The following SORCS1 variants were observed in gnomAD, a reference collection of about 807,000 sequenced individuals.
SORCS1 encodes VPS10 domain-containing receptor SorCS1.
A neutral mutation model predicts 146.1 loss-of-function variants in SORCS1; 60 were observed. That is an observed-to-expected ratio of 0.41 (90% confidence interval 0.33 to 0.51). SORCS1 has a LOEUF of 0.51. Ranked by LOEUF, SORCS1 falls within the 20% of genes least tolerant of loss-of-function variation. The pLI is 0.21. For missense variants in SORCS1, 1,352 were observed against 1,487.6 expected, an observed-to-expected ratio of 0.91 and a Z score of 1.50; for synonymous variants, 637 against 584.0, an observed-to-expected ratio of 1.09 and a Z score of -1.31.
At chr10:107,005,055 G>A (rs1163174811) in intron 1 of SORCS1, among the ~76,000 whole-genome samples, 2 of 152,270 alleles carry the variant, frequency 1.3e-5, no homozygotes, top group African/African-American at 2.4e-5. Context: ...CCCCGGGGTG[G>A]TCACAGCTAA....
intron 14 of SORCS1, among the ~76,000 whole-genome samples, chr10:106,674,758 T>C (rs1851900508): frequency 1.3e-5 from 2 of 152,218 alleles, no homozygotes; most frequent in African/African-American, 4.8e-5. Context: ...CCTGAGATTT[T>C]CTACATATCC....
chr10:107,148,666 A>C (rs957011989), intron 1 of SORCS1, among the ~76,000 whole-genome samples: 3 of 152,232 alleles, frequency 2.0e-5, no homozygotes, highest in African/African-American at 7.2e-5. Flanking sequence ...ACCTGGATTT[A>C]AGTTGAGTAA....
intron 6 of SORCS1, among the ~76,000 whole-genome samples, chr10:106,716,825 T>A (rs943751082): frequency 3.9e-5 from 6 of 152,174 alleles, no homozygotes; most frequent in African/African-American, 1.4e-4. Flanking sequence ...CACATGTTTT[T>A]TTCTCTCTTA....
chr10:106,920,683 T>C (rs1360285697), intron 2 of SORCS1, among the ~76,000 whole-genome samples: 1 of 152,152 alleles, frequency 6.6e-6, no homozygotes, highest in Non-Finnish European at 1.5e-5. Flanking sequence ...GTGTAGGAAG[T>C]GAGGGCTGTT....
At chr10:106,939,683 G>T (rs1279668406) in intron 2 of SORCS1, among the ~76,000 whole-genome samples, 1 of 152,184 alleles carries the variant, frequency 6.6e-6, no homozygotes, top group East Asian at 1.9e-4. Flanking sequence ...ATAAAGCTGT[G>T]CTGAGGAATA....
chr10:107,024,666 C>T (rs1001102782), intron 1 of SORCS1, among the ~76,000 whole-genome samples: 2 of 152,110 alleles, frequency 1.3e-5, no homozygotes, highest in African/African-American at 4.8e-5. Flanking sequence ...GTACCTATCA[C>T]CCAGTTTCAA....
intron 1 of SORCS1, among the ~76,000 whole-genome samples, chr10:107,088,139 C>T (rs1290692671): frequency 1.3e-5 from 2 of 151,658 alleles, no homozygotes; most frequent in African/African-American, 2.4e-5. Flanking sequence ...AGGATGGTCT[C>T]GGCCTCCCAA....
intron 1 of SORCS1, among the ~76,000 whole-genome samples, chr10:107,137,444 C>T (rs1180633734): frequency 6.6e-6 from 1 of 152,186 alleles, no homozygotes; most frequent in Non-Finnish European, 1.5e-5. Context: ...ACTGCCCTGC[C>T]AGACTAGCCT....
intron 6 of SORCS1, among the ~76,000 whole-genome samples, chr10:106,723,119 A>C (rs2135953061): frequency 6.6e-6 from 1 of 152,316 alleles, no homozygotes; most frequent in African/African-American, 2.4e-5. Flanking sequence ...CCAGGAGTTT[A>C]AGACCAGCCT....
At chr10:106,727,305 G>A (rs1397147951) in intron 6 of SORCS1, among the ~76,000 whole-genome samples, 1 of 152,134 alleles carries the variant, frequency 6.6e-6, no homozygotes, top group Admixed American at 6.5e-5. Context: ...TGCTTAGTGA[G>A]ATCTCTCTAC....
chr10:106,781,723 T>G (rs1860908100), intron 3 of SORCS1, among the ~76,000 whole-genome samples: 1 of 152,170 alleles, frequency 6.6e-6, no homozygotes. Context: ...CTATTCTCAA[T>G]GAGGGCTGAG....
chr10:106,922,141 G>A (rs1238919761), intron 2 of SORCS1, among the ~76,000 whole-genome samples: 1 of 152,206 alleles, frequency 6.6e-6, no homozygotes, highest in African/African-American at 2.4e-5. Flanking sequence ...TAGAGCTTAG[G>A]AAAGAATGAA....
At chr10:106,914,922 T>C (rs1474734141) in intron 2 of SORCS1, among the ~76,000 whole-genome samples, 1 of 152,162 alleles carries the variant, frequency 6.6e-6, no homozygotes, top group Non-Finnish European at 1.5e-5. Context: ...CCTTGCTCAG[T>C]TTCCAATCAG....
At chr10:106,830,869 C>T (rs1948514413) in intron 2 of SORCS1, among the ~76,000 whole-genome samples, 1 of 151,910 alleles carries the variant, frequency 6.6e-6, no homozygotes, top group South Asian at 2.1e-4. Context: ...GCACTCCAGC[C>T]TGGACCACAG....
chr10:106,872,098 A>G (rs1178124035), intron 2 of SORCS1, among the ~76,000 whole-genome samples: 1 of 152,274 alleles, frequency 6.6e-6, no homozygotes, highest in Non-Finnish European at 1.5e-5. Flanking sequence ...AAACAAACAT[A>G]TAAGTAATTT....
intron 2 of SORCS1, among the ~76,000 whole-genome samples, chr10:106,838,001 G>GA (rs1285278816): frequency 6.6e-6 from 1 of 152,124 alleles, no homozygotes; most frequent in African/African-American, 2.4e-5. Flanking sequence ...GCTGATGTCT[G>GA]TTTTGTTCAC....
intron 1 of SORCS1, among the ~76,000 whole-genome samples, chr10:107,065,505 CTCCTCTCTTTCTT>C: frequency 1.2e-5 from 1 of 80,602 alleles, no homozygotes; most frequent in Non-Finnish European, 2.4e-5. Flanking sequence ...CTCCTCTCCT[CTCCTCTCTTTCTT>C]TCTTTCTTTC....
chr10:107,069,696 G>C (rs1962254016), intron 1 of SORCS1, among the ~76,000 whole-genome samples: 1 of 152,096 alleles, frequency 6.6e-6, no homozygotes. Context: ...TTTTTAAAAA[G>C]CACCTTTGAA....
chr10:107,083,573 G>A (rs914912064), intron 1 of SORCS1, among the ~76,000 whole-genome samples: 1 of 152,104 alleles, frequency 6.6e-6, no homozygotes, highest in Non-Finnish European at 1.5e-5. Flanking sequence ...CTAAAATGTG[G>A]CCATTAGTAG....
Sources: gnomAD v4.1 joint callset for allele counts (sites outside exome capture counted in the v4.1 genomes callset) on GRCh38, gnomAD v4.1.1 for gene constraint, MANE v1.5 for transcripts, NCBI Gene and HGNC (gene_info 2026-07-23, HGNC 2026-07-21) for gene names.